The following KCNH7 variants were observed in gnomAD, a reference collection of about 807,000 sequenced individuals.
KCNH7 encodes the protein potassium voltage-gated channel subfamily H member 7.
Under a neutral mutation model 120.8 loss-of-function variants are expected in KCNH7, and 49 were observed. That is an observed-to-expected ratio of 0.41 (90% confidence interval 0.32 to 0.51). The LOEUF (loss-of-function observed/expected upper bound fraction) is 0.51, where lower values mean the gene tolerates loss of function less well. Among genes scored for constraint, KCNH7 ranks in the 20% least tolerant of loss-of-function variants. KCNH7 has a pLI of 0.38. For missense variants in KCNH7, 1,097 were observed against 1,446.6 expected (o/e 0.76, Z 3.92); for synonymous variants, 547 against 516.1 (o/e 1.06, Z -0.81).
chr2:162,674,466 C>T (rs546741724), intron 2 of KCNH7, among the ~76,000 whole-genome samples: 157 of 151,784 alleles, frequency 1.0e-3, no homozygotes, highest in African/African-American at 3.7e-3. Flanking sequence ...AAAACCCTAA[C>T]AAGTGTTCTT....
chr2:162,669,571 G>A (rs1245587575), intron 2 of KCNH7, among the ~76,000 whole-genome samples: 2 of 152,176 alleles, frequency 1.3e-5, no homozygotes, highest in Admixed American at 1.3e-4. Context: ...TAAAGCAGTG[G>A]TTCCCAAATG....
intron 14 of KCNH7, among the ~76,000 whole-genome samples, chr2:162,378,727 G>A (rs1358833938): frequency 6.6e-6 from 1 of 152,196 alleles, no homozygotes; most frequent in Non-Finnish European, 1.5e-5. Flanking sequence ...TCACCCATTG[G>A]TGATATCAGT....
chr2:162,661,165 C>T (rs1274877870), intron 2 of KCNH7, among the ~76,000 whole-genome samples: 1 of 152,172 alleles, frequency 6.6e-6, no homozygotes, highest in Non-Finnish European at 1.5e-5. Context: ...AGTGTTATAG[C>T]TCAGTTGCTA....
chr2:162,664,428 C>G (rs2105284079), intron 2 of KCNH7, among the ~76,000 whole-genome samples: 2 of 152,212 alleles, frequency 1.3e-5, no homozygotes, highest in East Asian at 3.9e-4. Context: ...TATTCTTTGT[C>G]TCTAAAACTC....
intron 2 of KCNH7, among the ~76,000 whole-genome samples, chr2:162,554,367 T>C (rs907485767): frequency 6.6e-6 from 1 of 152,158 alleles, no homozygotes; most frequent in Admixed American, 6.5e-5. Context: ...ATAGCCTTTT[T>C]TTTTAAGTAA....
At chr2:162,397,275 C>T (rs560396034) in intron 10 of KCNH7, among the ~76,000 whole-genome samples, 2 of 151,748 alleles carry the variant, frequency 1.3e-5, no homozygotes, top group African/African-American at 2.4e-5. Flanking sequence ...TAGGTGTACT[C>T]TGATTTTTTC....
chr2:162,753,518 G>A (rs1463098633), intron 2 of KCNH7, among the ~76,000 whole-genome samples: 1 of 152,118 alleles, frequency 6.6e-6, no homozygotes, highest in African/African-American at 2.4e-5. Context: ...AACTCTGGGT[G>A]TTCTATTCTA....
chr2:162,685,444 T>C (rs757925012), intron 2 of KCNH7, among the ~76,000 whole-genome samples: 10 of 152,004 alleles, frequency 6.6e-5, no homozygotes, highest in Non-Finnish European at 1.0e-4. Flanking sequence ...CAAGGTAATA[T>C]CCAATAAAAT....
intron 2 of KCNH7, among the ~76,000 whole-genome samples, chr2:162,740,947 G>A (rs1688105319): frequency 1.3e-5 from 2 of 152,102 alleles, no homozygotes; most frequent in Admixed American, 6.5e-5. Context: ...TGGGTTTGTT[G>A]TCATCTCAAG....
At chr2:162,465,896 C>G (rs1689290513) in intron 6 of KCNH7, among the ~76,000 whole-genome samples, 1 of 152,112 alleles carries the variant, frequency 6.6e-6, no homozygotes, top group East Asian at 1.9e-4. Flanking sequence ...CTTTTAAACT[C>G]CATCATCAAT....
chr2:162,569,315 A>G (rs1693378527), intron 2 of KCNH7, among the ~76,000 whole-genome samples: 2 of 151,588 alleles, frequency 1.3e-5, no homozygotes, highest in Admixed American at 6.6e-5. Context: ...GTTTATTTGC[A>G]TAGAGGTGTT....
chr2:162,647,579 T>G (rs1044573077), intron 2 of KCNH7, among the ~76,000 whole-genome samples: 1 of 152,178 alleles, frequency 6.6e-6, no homozygotes, highest in African/African-American at 2.4e-5. Flanking sequence ...CCCCATACTG[T>G]TCTCGTGGTA....
rs376420078 is a variant in KCNH7 at position 162,420,120 on chromosome 2, T to C, written c.2154+3216A>G. On this transcript the variant is annotated intron_variant, in intron 9 of 15. Coordinates refer to ENST00000332142, the MANE Select transcript of KCNH7 (RefSeq NM_033272.4). Reference sequence around the variant, plus strand: ...GGCCAGGCATGGTGGCTCTCACCTGTAATCCCAGCACTTTGGGAGGCCAAG... The same window carrying C: ...GGCCAGGCATGGTGGCTCTCACCTGCAATCCCAGCACTTTGGGAGGCCAAG... 9.8e-5 allele frequency among the ~76,000 whole-genome samples: 15 copies of C among 152,314 alleles called. No homozygotes were observed. In the South Asian group the frequency reaches 2.9e-3, roughly 29 times the overall value.
chr2:162,427,548 GTCT>G (rs1004575376), intron 8 of KCNH7, among the ~76,000 whole-genome samples: 2 of 151,426 alleles, frequency 1.3e-5, no homozygotes, highest in Non-Finnish European at 3.0e-5. Context: ...AAATTGAGTT[GTCT>G]TCTTATTATG....
rs772919279 is a variant in KCNH7 at position 162,372,010 on chromosome 2, T to A, written c.3410A>T (p.Glu1137Val). 1.2e-6 allele frequency: 2 copies of A among 1,613,784 alleles called. No individual in the cohort carries two copies. Among genetic ancestry groups the A allele is most frequent in the South Asian group, 2.2e-5 (2 of 91,072 alleles). Residue 1137 changes from glutamate to valine, a missense_variant, in exon 16 of 16, where the codon GAA becomes GTA. By Grantham distance (121) the Glu-to-Val change is moderately radical. Transcript: ENST00000332142. Reference sequence around the variant, plus strand: ...TTTTAAAAGTGAAGTCAAGTTGTCTTCTGAAGCTGTGTTCAGATGCACCCC... The same window carrying A: ...TTTTAAAAGTGAAGTCAAGTTGTCTACTGAAGCTGTGTTCAGATGCACCCC... ...SSGVHLNTAS[E>V]DNLTSLLKQD...
In KCNH7 at chr2:162,625,540, G is replaced by C. The variant is rs76385516; in HGVS notation, c.308-88460C>G. 4.5e-3 allele frequency among the ~76,000 whole-genome samples: 690 copies of C among 152,246 alleles called. 7 individuals carry two copies. The highest frequency in any genetic ancestry group is 0.016 in the African/African-American group (659 of 41,550). ...TTTAGGCAGCATCAGGGCCCAGGCA[G>C]CAAGACCCCATTTTAAAGAAAAGGA... is the stretch of plus-strand genomic sequence containing the variant. On this transcript the variant is annotated intron_variant, in intron 2 of 15. Coordinates refer to ENST00000332142, the MANE Select transcript of KCNH7 (RefSeq NM_033272.4).
chr2:162,446,466 T>C lies in KCNH7; in HGVS notation c.1129-23A>G, dbSNP rs1398605587. On this transcript the variant is annotated intron_variant, in intron 6 of 15. Transcript: ENST00000332142. Reference sequence around the variant, plus strand: ...AACCTGAATGTGCAAAAGAAAATCATACACTACATAAATATGCCATTTTTA... The same window carrying C: ...AACCTGAATGTGCAAAAGAAAATCACACACTACATAAATATGCCATTTTTA... 6 of 1,560,500 alleles carry C rather than the reference T, an allele frequency of 3.8e-6. No homozygotes were observed. In the Admixed American group the frequency reaches 5.4e-5, roughly 14 times the overall value.
At chr2:162,613,952 AGT>A (rs1491353436) in intron 2 of KCNH7, among the ~76,000 whole-genome samples, 5 of 142,110 alleles carry the variant, frequency 3.5e-5, no homozygotes, top group African/African-American at 1.0e-4. Flanking sequence ...CCAAAGAGAA[AGT>A]TTTTTTTTTT....
At chr2:162,748,919 C>CCCTCT (rs1688431343) in intron 2 of KCNH7, among the ~76,000 whole-genome samples, 1 of 43,608 alleles carries the variant, frequency 2.3e-5, no homozygotes. Flanking sequence ...TCCTTCCCTT[C>CCCTCT]CCTTTCCTTT....
Sources: gnomAD v4.1 joint callset for allele counts (sites outside exome capture counted in the v4.1 genomes callset) on GRCh38, gnomAD v4.1.1 for gene constraint, MANE v1.5 for transcripts, NCBI Gene and HGNC (gene_info 2026-07-23, HGNC 2026-07-21) for gene names.